OLFM3: variants seen among roughly 807,000 people sequenced by gnomAD.
The protein encoded by OLFM3 is olfactomedin 3, also known as noelin-3.
Under a neutral mutation model 48.6 loss-of-function variants are expected in OLFM3, and 20 were observed. That is an observed-to-expected ratio of 0.41 (90% confidence interval 0.29 to 0.60). OLFM3 has a LOEUF of 0.60. OLFM3 is among the 20% of genes least tolerant of loss of function. The probability of loss-of-function intolerance (pLI) is 0.28; values close to 1 mark genes in which losing one functional copy is unlikely to be tolerated. For synonymous variants in OLFM3, 222 were observed against 198.1 expected, an observed-to-expected ratio of 1.12 and a Z score of -1.01; for missense variants, 437 against 544.3, an observed-to-expected ratio of 0.80 and a Z score of 1.96.
chr1:101,973,962 C>A (rs1660879291), intron 1 of OLFM3, among the ~76,000 whole-genome samples: 1 of 151,640 alleles, frequency 6.6e-6, no homozygotes, highest in South Asian at 2.1e-4. Context: ...TTAGACCATC[C>A]ACCCTTAAAA....
intron 1 of OLFM3, among the ~76,000 whole-genome samples, chr1:101,969,790 G>A (rs947221738): frequency 2.0e-5 from 3 of 152,026 alleles, no homozygotes; most frequent in African/African-American, 7.3e-5. Flanking sequence ...GTCAGGAGAA[G>A]GATGTCAATC....
At chr1:101,940,978 T>C (rs914751299) in intron 1 of OLFM3, among the ~76,000 whole-genome samples, 7 of 152,168 alleles carry the variant, frequency 4.6e-5, no homozygotes, top group African/African-American at 1.7e-4. Context: ...ATTTGTACCC[T>C]GGGGAACAAT....
chr1:101,917,464 G>A (rs539573161), intron 1 of OLFM3, among the ~76,000 whole-genome samples: 13 of 151,280 alleles, frequency 8.6e-5, no homozygotes, highest in East Asian at 7.8e-4. Flanking sequence ...TTGCCCAGGC[G>A]GAAGTGCAGT....
chr1:101,960,842 C>G (rs1260880985), intron 1 of OLFM3, among the ~76,000 whole-genome samples: 1 of 152,172 alleles, frequency 6.6e-6, no homozygotes, highest in African/African-American at 2.4e-5. Context: ...TCGTTAACCA[C>G]TCTGCTTCAA....
intron 1 of OLFM3, among the ~76,000 whole-genome samples, chr1:101,910,314 A>T (rs1658709277): frequency 6.6e-6 from 1 of 152,002 alleles, no homozygotes; most frequent in African/African-American, 2.4e-5. Flanking sequence ...AAAATACAAA[A>T]AATTAGCCGG....
intron 1 of OLFM3, among the ~76,000 whole-genome samples, chr1:101,841,614 G>A (rs186059321): frequency 2.0e-4 from 31 of 152,286 alleles, no homozygotes; most frequent in African/African-American, 7.5e-4. Context: ...ACAGATAGCA[G>A]TACAGGCTCT....
At chr1:101,806,555 A>G (rs1570497379) in intron 4 of OLFM3, among the ~76,000 whole-genome samples, 1 of 151,670 alleles carries the variant, frequency 6.6e-6, no homozygotes, top group Non-Finnish European at 1.5e-5. Flanking sequence ...ATGGCCAGAA[A>G]CTCCTTCCCT....
chr1:101,891,720 T>G (rs1425443542), intron 1 of OLFM3, among the ~76,000 whole-genome samples: 1 of 151,968 alleles, frequency 6.6e-6, no homozygotes, highest in African/African-American at 2.4e-5. Context: ...AGAAAATAAA[T>G]GTTAGTGGCC....
At chr1:101,940,936 G>T (rs1289626136) in intron 1 of OLFM3, among the ~76,000 whole-genome samples, 1 of 152,060 alleles carries the variant, frequency 6.6e-6, no homozygotes, top group African/African-American at 2.4e-5. Flanking sequence ...ACAACACAGT[G>T]TCTTATTTCC....
chr1:101,829,152 T>C (rs972800517), intron 3 of OLFM3, among the ~76,000 whole-genome samples: 8 of 152,184 alleles, frequency 5.3e-5, no homozygotes, highest in African/African-American at 1.7e-4. Context: ...TTGTATATGG[T>C]ATGTGCTCGA....
chr1:101,995,799 T>C (rs1661540126), intron 1 of OLFM3, among the ~76,000 whole-genome samples: 1 of 152,230 alleles, frequency 6.6e-6, no homozygotes. Context: ...TCCTATATTG[T>C]CAAATTGCTG....
intron 1 of OLFM3, among the ~76,000 whole-genome samples, chr1:101,869,400 G>A (rs1656984462): frequency 6.6e-6 from 1 of 152,022 alleles, no homozygotes; most frequent in African/African-American, 2.4e-5. Flanking sequence ...TCTCCCTTTT[G>A]GAATGAGAGT....
intron 1 of OLFM3, among the ~76,000 whole-genome samples, chr1:101,973,247 C>T (rs760669892): frequency 6.6e-6 from 1 of 152,176 alleles, no homozygotes; most frequent in Non-Finnish European, 1.5e-5. Flanking sequence ...TGATGGCCTG[C>T]GAACCAGGTG....
chr1:101,935,782 T>C (rs1303831509), intron 1 of OLFM3, among the ~76,000 whole-genome samples: 1 of 152,074 alleles, frequency 6.6e-6, no homozygotes, highest in African/African-American at 2.4e-5. Context: ...TCTACCATGA[T>C]CAGGTAGACT....
intron 1 of OLFM3, among the ~76,000 whole-genome samples, chr1:101,965,085 A>C (rs1251827460): frequency 2.0e-5 from 3 of 152,320 alleles, no homozygotes; most frequent in Admixed American, 6.5e-5. Context: ...CACCGACAGC[A>C]ACTCTTTTAG....
At position 101,840,472 on chromosome 1, in the gene OLFM3, G is replaced by A. The variant is rs201994179; in HGVS notation, c.70-3447C>T. Among the ~76,000 whole-genome samples the A allele has an allele frequency of 1.2e-4, 8 of 65,488 alleles. No homozygotes were observed. The South Asian group carries it at 5.7e-3, about 47-fold the overall frequency. The allele number at this position is 65,488 out of a possible 152,430, so 43.0% of individuals were successfully genotyped here. ...TGTACTGAGAGAGTCTTATTTCAGA[G>A]ATTTTTTTTTTTTTTTGAGACAGGT... On this transcript the variant is annotated intron_variant, in intron 1 of 5. Transcript: ENST00000370103.
At chr1:101,976,365 G>A (rs932201203) in intron 1 of OLFM3, among the ~76,000 whole-genome samples, 12 of 152,180 alleles carry the variant, frequency 7.9e-5, no homozygotes, top group Non-Finnish European at 1.5e-4. Flanking sequence ...AGCTGCCCGA[G>A]ACTGGACAGA....
chr1:101,917,308 T>A (rs531597009), intron 1 of OLFM3, among the ~76,000 whole-genome samples: 2 of 152,332 alleles, frequency 1.3e-5, no homozygotes, highest in Admixed American at 6.5e-5. Context: ...TTTTGTGTAA[T>A]AAGCAAACTG....
rs936566574 is a variant in OLFM3, at chr1:101,812,504, GC to G, written c.593-6323del. The G allele has an allele frequency of 8.2e-5, 81 of 985,328 alleles. No individual in the cohort carries two copies. In the African/African-American group the frequency reaches 1.3e-3, roughly 16 times the overall value. 61.0% of individuals were successfully genotyped at this position (985,328 alleles called of 1,614,324 possible). ...CTGCATATTTCAGATGTTGAGGTGT[GC>G]ATAATCCGATGTTGATTAGTTGAAA... On this transcript the variant is annotated intron_variant, in intron 4 of 5. Transcript: ENST00000370103.
Sources: gnomAD v4.1 joint callset for allele counts (sites outside exome capture counted in the v4.1 genomes callset) on GRCh38, gnomAD v4.1.1 for gene constraint, MANE v1.5 for transcripts, NCBI Gene and HGNC (gene_info 2026-07-23, HGNC 2026-07-21) for gene names.